The following LARGE1 variants were observed in gnomAD, a reference collection of about 807,000 sequenced individuals.
The protein encoded by LARGE1 is LARGE xylosyl- and glucuronyltransferase 1, also known as xylosyl- and glucuronyltransferase LARGE1.
LARGE1 carries 43 observed loss-of-function variants against 87.6 expected under a neutral mutation model. That is an observed-to-expected ratio of 0.49 (90% CI 0.38 to 0.63). The LOEUF (loss-of-function observed/expected upper bound fraction) is 0.63, where lower values mean the gene tolerates loss of function less well. Among genes scored for constraint, LARGE1 ranks in the 30% least tolerant of loss-of-function variants. The pLI, the probability that LARGE1 is intolerant of heterozygous loss-of-function variation, is 0.00. For missense variants in LARGE1, 802 were observed against 1,000.2 expected, an observed-to-expected ratio of 0.80 and a Z score of 2.67; for synonymous variants, 434 against 394.6, an observed-to-expected ratio of 1.10 and a Z score of -1.18.
chr22:33,381,850 C>T, intron 9 of LARGE1, 69 bp downstream of exon 9: 1 of 1,591,528 alleles, frequency 6.3e-7, no homozygotes, highest in Non-Finnish European at 8.6e-7. Context: ...TCCCAGCCAT[C>T]CATGCCCCTG....
At chr22:33,398,934 A>G (rs1207961401) in intron 7 of LARGE1, among the ~76,000 whole-genome samples, 1 of 152,170 alleles carries the variant, frequency 6.6e-6, no homozygotes, top group Non-Finnish European at 1.5e-5. Context: ...ACACCTTCAC[A>G]TGGACTTCTA....
At chr22:33,161,948 G>C (rs1453527320), downstream of LARGE1, among the ~76,000 whole-genome samples, 2 of 152,188 alleles carry the variant, frequency 1.3e-5, no homozygotes, top group Non-Finnish European at 2.9e-5. Flanking sequence ...ATCCCCATCT[G>C]AGACCACTTC....
At chr22:33,078,075 G>A in the LARGE1 span, among the ~76,000 whole-genome samples, 1 of 152,062 alleles carries the variant, frequency 6.6e-6, no homozygotes, top group Non-Finnish European at 1.5e-5. Context: ...AAAATAACTG[G>A]TAATGGTGTA....
intron 1 of LARGE1, among the ~76,000 whole-genome samples, chr22:33,858,804 A>G (rs187662155): frequency 2.6e-5 from 4 of 152,370 alleles, no homozygotes; most frequent in East Asian, 1.9e-4. Context: ...CCAAATGCCA[A>G]TGATAAGCTA....
intron 1 of LARGE1, among the ~76,000 whole-genome samples, chr22:33,848,145 T>C (rs1320893393): frequency 6.6e-6 from 1 of 152,216 alleles, no homozygotes; most frequent in Non-Finnish European, 1.5e-5. Flanking sequence ...TCAGGCAGCG[T>C]ATTTTTTTTG....
chr22:33,825,771 C>G (rs1395832893), intron 1 of LARGE1, among the ~76,000 whole-genome samples: 1 of 152,166 alleles, frequency 6.6e-6, no homozygotes, highest in Non-Finnish European at 1.5e-5. Flanking sequence ...AGAGAGGGAA[C>G]GAAGCCCACT....
At chr22:33,318,534 A>C (rs1936402137) in intron 10 of LARGE1, among the ~76,000 whole-genome samples, 1 of 152,016 alleles carries the variant, frequency 6.6e-6, no homozygotes, top group East Asian at 1.9e-4. Flanking sequence ...GCTTGGTTCC[A>C]AGTCTTTGCT....
intron 6 of LARGE1, among the ~76,000 whole-genome samples, chr22:33,507,936 C>T (rs927183640): frequency 6.6e-6 from 1 of 152,150 alleles, no homozygotes; most frequent in Non-Finnish European, 1.5e-5. Context: ...AGAGGGGGAC[C>T]TTTAAATCCC....
At chr22:33,259,611 C>G (rs17721787) in intron 11 of LARGE1, among the ~76,000 whole-genome samples, 7,257 of 152,292 alleles carry the variant, frequency 0.048, 265 homozygotes, top group Middle Eastern at 0.12. Context: ...TGATTAATCT[C>G]ATTAAATTCC....
intron 10 of LARGE1, among the ~76,000 whole-genome samples, chr22:33,318,599 G>T (rs1936409901): frequency 6.6e-6 from 1 of 152,100 alleles, no homozygotes; most frequent in Admixed American, 6.6e-5. Flanking sequence ...GCCTGTTGTG[G>T]GGTTGGGGGA....
the LARGE1 span, among the ~76,000 whole-genome samples, chr22:33,087,104 T>C: frequency 6.6e-6 from 1 of 152,154 alleles, no homozygotes; most frequent in African/African-American, 2.4e-5. Context: ...CTCTTAGATT[T>C]GTTCTGCTGA....
chr22:33,450,279 G>C (rs903199249), intron 6 of LARGE1, among the ~76,000 whole-genome samples: 12 of 151,986 alleles, frequency 7.9e-5, no homozygotes, highest in African/African-American at 2.7e-4. Context: ...GCAAGGGCCT[G>C]TAGGATATTT....
rs1018016540 is a variant in LARGE1 at position 33,826,503 on chromosome 22, C to T, written c.-82-64945G>A. Among the ~76,000 whole-genome samples the T allele has an allele frequency of 3.9e-5, 6 of 152,136 alleles. 1 individual carries two copies. The highest frequency in any genetic ancestry group is 4.2e-4 in the South Asian group (2 of 4,800). Reference sequence around the variant, plus strand: ...GATTACAGGCATCCACCACCGCACCCGGCTAATTTTTGTATTTTTAGTAGA... The same window carrying T: ...GATTACAGGCATCCACCACCGCACCTGGCTAATTTTTGTATTTTTAGTAGA... On this transcript the variant is annotated intron_variant, in intron 1 of 14. Transcript: ENST00000397394.
rs1568972813 is a variant in LARGE1 at position 33,836,294 on chromosome 22, G to C, written c.-82-74736C>G. Among the ~76,000 whole-genome samples, 4 of 152,184 alleles carry C rather than the reference G, an allele frequency of 2.6e-5. No homozygotes were observed. In the South Asian group the frequency reaches 6.2e-4, roughly 24 times the overall value. The stretch of plus-strand genomic sequence containing the variant: ...AGCTCCTATGTAATATGGGAAAATG[G>C]AAGCAAGACCACCAGTTGCAGAGTT... On this transcript the variant is annotated intron_variant, in intron 1 of 14. Transcript: ENST00000397394.
rs907139042 is a variant in LARGE1, at chr22:33,767,879, C to G, written c.-82-6321G>C. ...GCATATAACAGTGGGAGGATTTGGACCACTGATTCTAACTAGAAGATTGCC... is the reference window on the plus strand; with the variant it reads ...GCATATAACAGTGGGAGGATTTGGAGCACTGATTCTAACTAGAAGATTGCC... On this transcript the variant is annotated intron_variant, in intron 1 of 14. Transcript: ENST00000397394. Among the ~76,000 whole-genome samples the G allele has an allele frequency of 4.6e-5, 7 of 152,340 alleles. No homozygotes were observed. The East Asian group carries it at 1.2e-3, about 25-fold the overall frequency.
intron 5 of LARGE1, among the ~76,000 whole-genome samples, chr22:33,588,793 A>AT (rs2078753368): frequency 6.6e-6 from 1 of 152,152 alleles, no homozygotes; most frequent in Non-Finnish European, 1.5e-5. Context: ...TCTTAGTATA[A>AT]AGGTGATTTA....
In LARGE1 at chr22:33,793,554, G is replaced by A. The variant is rs1355755274; in HGVS notation, c.-82-31996C>T. 2.6e-5 allele frequency among the ~76,000 whole-genome samples: 4 copies of A among 152,290 alleles called. No homozygotes were observed. In the East Asian group the frequency reaches 5.8e-4, roughly 22 times the overall value. ...ATTCCCACTCCCAAACCTGAAACCC[G>A]GCACAGGCTGTGAGAAGTGAGGAAT... On this transcript the variant is annotated intron_variant, in intron 1 of 14. Coordinates refer to ENST00000397394, the MANE Select transcript of LARGE1 (RefSeq NM_133642.5).
chr22:33,224,251 G>A (rs1925610527), intron 11 of LARGE1, among the ~76,000 whole-genome samples: 2 of 151,716 alleles, frequency 1.3e-5, no homozygotes, highest in South Asian at 4.2e-4. Context: ...GGGTGACAGA[G>A]CAAGACTCTG....
chr22:33,817,051 T>C (rs1033223223), intron 1 of LARGE1, among the ~76,000 whole-genome samples: 1 of 152,178 alleles, frequency 6.6e-6, no homozygotes, highest in East Asian at 1.9e-4. Flanking sequence ...TGTGTATATA[T>C]GTGTTTCTAT....
Sources: gnomAD v4.1 joint callset for allele counts (sites outside exome capture counted in the v4.1 genomes callset) on GRCh38, gnomAD v4.1.1 for gene constraint, MANE v1.5 for transcripts, NCBI Gene and HGNC (gene_info 2026-07-23, HGNC 2026-07-21) for gene names.